DDX17: variants seen among roughly 807,000 people sequenced by gnomAD.
DDX17 encodes the protein probable ATP-dependent RNA helicase DDX17.
DDX17 carries 10 observed loss-of-function variants against 80.8 expected under a neutral mutation model. That is an observed-to-expected ratio of 0.12 (90% CI 0.08 to 0.21). DDX17 has a LOEUF of 0.21. Among genes scored for constraint, DDX17 ranks in the 10% least tolerant of loss-of-function variants. DDX17 has a pLI of 1.00. For missense variants in DDX17, 586 were observed against 957.4 expected, an observed-to-expected ratio of 0.61 and a Z score of 5.12; for synonymous variants, 339 against 336.2, an observed-to-expected ratio of 1.01 and a Z score of -0.09.
chr22:38,504,456 G>A (rs972300093), intron 1 of DDX17, among the ~76,000 whole-genome samples: 2 of 152,126 alleles, frequency 1.3e-5, no homozygotes, highest in Non-Finnish European at 2.9e-5. Flanking sequence ...TAAAGCTTAG[G>A]GAGGAATTGC....
At chr22:38,498,727 A>T (rs760205761) in intron 3 of DDX17, among the ~76,000 whole-genome samples, 154 bp from the exon 4 acceptor site, 14 of 152,262 alleles carry the variant, frequency 9.2e-5, no homozygotes, top group Non-Finnish European at 2.1e-4. Flanking sequence ...CGACCAACTC[A>T]CTGTTAGCTT....
intron 1 of DDX17, among the ~76,000 whole-genome samples, chr22:38,501,493 T>G (rs2089830154): frequency 6.6e-6 from 1 of 152,162 alleles, no homozygotes; most frequent in African/African-American, 2.4e-5. Context: ...ATAGCTACAA[T>G]AGGCAAAAAA....
chr22:38,500,791 T>C (rs1384020372), intron 2 of DDX17, among the ~76,000 whole-genome samples: 2 of 104,072 alleles, frequency 1.9e-5, no homozygotes, highest in Non-Finnish European at 3.6e-5. Context: ...CACTCTAGCC[T>C]GGGCAACAAG....
chr22:38,503,697 C>CA (rs2089852831), intron 1 of DDX17, among the ~76,000 whole-genome samples: 1 of 152,252 alleles, frequency 6.6e-6, no homozygotes, highest in African/African-American at 2.4e-5. Context: ...TTTGGCTTTA[C>CA]AAAAAAATTC....
intron 1 of DDX17, among the ~76,000 whole-genome samples, chr22:38,503,237 T>G (rs1279298594): frequency 1.3e-5 from 2 of 152,172 alleles, no homozygotes; most frequent in Non-Finnish European, 2.9e-5. Context: ...CACTTGCAAA[T>G]GAAGCAGCTA....
intron 5 of DDX17, among the ~76,000 whole-genome samples, chr22:38,496,537 T>C (rs989456771): frequency 5.9e-5 from 9 of 152,124 alleles, no homozygotes; most frequent in Non-Finnish European, 7.4e-5. Flanking sequence ...TTTGTAGAGA[T>C]GGGGGTTTCC....
At chr22:38,497,654 C>T (rs1231037753) in intron 5 of DDX17, among the ~76,000 whole-genome samples, 5 of 141,634 alleles carry the variant, frequency 3.5e-5, no homozygotes, top group Non-Finnish European at 7.5e-5. Flanking sequence ...AGGCTGGACG[C>T]AGTGGCTCAT....
intron 1 of DDX17, among the ~76,000 whole-genome samples, chr22:38,503,740 ATAC>A (rs1250416452): frequency 6.6e-6 from 1 of 152,270 alleles, no homozygotes; most frequent in African/African-American, 2.4e-5. Flanking sequence ...ATTAAAAACC[ATAC>A]TACTTCAAAT....
chr22:38,501,029 G>C (rs1052535581), intron 2 of DDX17, 101 bp downstream of exon 2: 103 of 1,384,094 alleles, frequency 7.4e-5, no homozygotes, highest in Non-Finnish European at 6.9e-5. Flanking sequence ...CACCACACTA[G>C]AATAAAATGT....
At chr22:38,490,627 A>G (rs2089704526) in intron 11 of DDX17, 1 of 405,630 alleles carries the variant, frequency 2.5e-6, no homozygotes, top group African/African-American at 2.1e-5. Context: ...CTTGACAGGA[A>G]GTGAAAAAAG....
intron 12 of DDX17, among the ~76,000 whole-genome samples, chr22:38,487,477 G>C (rs1038109454): frequency 6.6e-6 from 1 of 152,128 alleles, no homozygotes; most frequent in African/African-American, 2.4e-5. Context: ...AAATTAGCAG[G>C]GTGTGCTGGC....
Position 38,489,090 on chromosome 22 carries a change from T to G in DDX17, c.1448-975A>C. 1.0e-6 allele frequency: 1 copy of G among 984,094 alleles called. No homozygotes were observed. Among genetic ancestry groups the G allele is most frequent in the Non-Finnish European group, 1.2e-6 (1 of 828,736 alleles). 61.0% of individuals were successfully genotyped at this position (984,094 alleles called of 1,614,324 possible). A position where few individuals can be genotyped will look rare whatever the true frequency, so the allele number is the denominator to read the frequency against. ...TTTTACCTACTTAAACAAACAATTT[T>G]AAGAATATAACAAAGAATCCTACTG... On this transcript the variant is annotated intron_variant, in intron 11 of 12. Coordinates refer to ENST00000403230, the MANE Select transcript of DDX17 (RefSeq NM_006386.5). This position sits in a 1 kb window ranked among gnomAD's most constrained non-coding sequence, Gnocchi z 4.6.
intron 1 of DDX17, among the ~76,000 whole-genome samples, chr22:38,505,011 C>G (rs1167168281): frequency 1.3e-5 from 2 of 152,210 alleles, no homozygotes; most frequent in African/African-American, 4.8e-5. Context: ...CGGGTTCAAG[C>G]GATTCTCCTG....
chr22:38,486,892 C>CGGG (rs200395134), intron 12 of DDX17, among the ~76,000 whole-genome samples: 1,829 of 152,160 alleles, frequency 0.012, 106 homozygotes, highest in Admixed American at 0.11. Context: ...CAACCATGAC[C>CGGG]GGGGGCACAC....
Position 38,485,371 on chromosome 22 carries a change from A to C in DDX17, c.*564T>G, listed in dbSNP as rs990111672. Reference sequence around the variant, plus strand: ...TTTTAACTATCAAATGCACTCCAGCAATCAGTCAAAACAGGCCCGAGGAAA... The same window carrying C: ...TTTTAACTATCAAATGCACTCCAGCCATCAGTCAAAACAGGCCCGAGGAAA... On this transcript the variant is annotated 3_prime_UTR_variant, in exon 13 of 13. Coordinates refer to ENST00000403230, the MANE Select transcript of DDX17 (RefSeq NM_006386.5). 17 of 152,256 alleles carry C rather than the reference A, an allele frequency of 1.1e-4. No homozygotes were observed. Among genetic ancestry groups the C allele is most frequent in the African/African-American group, 4.1e-4 (17 of 41,460 alleles). 9.4% of individuals were successfully genotyped at this position (152,256 alleles called of 1,614,324 possible).
chr22:38,486,382 C>T lies in DDX17; in HGVS notation c.1743G>A (p.Gln581=). 1.2e-6 allele frequency: 2 copies of T among 1,614,018 alleles called. No individual in the cohort carries two copies. The highest frequency in any genetic ancestry group is 8.5e-7 in the Non-Finnish European group (1 of 1,179,964). Residue 581 remains glutamine, a synonymous_variant, in exon 13 of 13, where the codon CAG becomes CAA. Transcript: ENST00000403230. ...CTCGAAGCCTTCGGTCACACTCATC[C>T]TGATACATCAGATTGGGATTGTTGG... is the stretch of plus-strand genomic sequence containing the variant.
rs752651801 is a variant in DDX17, at chr22:38,489,636, T to G, written c.1448-1521A>C. 6.1e-4 allele frequency: 598 copies of G among 984,600 alleles called. 3 individuals are homozygous for G. The highest frequency in any genetic ancestry group is 7.0e-4 in the Non-Finnish European group (583 of 829,566). 61.0% of individuals were successfully genotyped at this position (984,600 alleles called of 1,614,324 possible). A position where few individuals can be genotyped will look rare whatever the true frequency, so the allele number is the denominator to read the frequency against. On this transcript the variant is annotated intron_variant, in intron 11 of 12. Coordinates refer to ENST00000403230, the MANE Select transcript of DDX17 (RefSeq NM_006386.5). This position sits in a 1 kb window ranked among gnomAD's most constrained non-coding sequence, Gnocchi z 4.6. ...AAAGGGGAGATTAAAAAAAAAAAATTAGCTGTTGTTACAGGGCTTGTGAAG... is the reference window on the plus strand; with the variant it reads ...AAAGGGGAGATTAAAAAAAAAAAATGAGCTGTTGTTACAGGGCTTGTGAAG...
intron 3 of DDX17, 144 bp downstream of exon 3, chr22:38,499,256 C>A: frequency 1.6e-6 from 1 of 628,938 alleles, no homozygotes; most frequent in Non-Finnish European, 2.8e-6. Context: ...AGTCTAAATA[C>A]TAGAACAGAA....
At chr22:38,490,931 TG>T (rs779215753) in intron 11 of DDX17, 10 of 156,136 alleles carry the variant, frequency 6.4e-5, no homozygotes, top group Non-Finnish European at 1.3e-4. Flanking sequence ...CAAGGGGACA[TG>T]GAGCAAATAT....
Sources: allele counts gnomAD v4.1 joint callset (sites outside exome capture counted in the v4.1 genomes callset), GRCh38; gene constraint gnomAD v4.1.1; non-coding constraint Gnocchi (gnomAD v3.1); transcripts MANE v1.5; gene names NCBI Gene and HGNC (gene_info 2026-07-23, HGNC 2026-07-21).